The following MAP3K1 variants were observed in gnomAD, a reference collection of about 807,000 sequenced individuals.
MAP3K1 encodes mitogen-activated protein kinase kinase kinase 1, also known as MAP/ERK kinase kinase 1.
MAP3K1 carries 36 observed loss-of-function variants against 144.2 expected under a neutral mutation model. That is an observed-to-expected ratio of 0.25 (90% CI 0.19 to 0.33). The LOEUF (loss-of-function observed/expected upper bound fraction) is 0.33, where lower values mean the gene tolerates loss of function less well. MAP3K1 is among the 10% of genes least tolerant of loss of function. The probability of loss-of-function intolerance (pLI) is 1.00; values close to 1 mark genes in which losing one functional copy is unlikely to be tolerated. For missense variants in MAP3K1, 1,650 were observed against 1,881.9 expected (o/e 0.88, Z 2.28); for synonymous variants, 718 against 688.7 (o/e 1.04, Z -0.67).
intron 3 of MAP3K1, 137 bp downstream of exon 3, chr5:56,860,052 T>G: frequency 1.2e-6 from 1 of 800,970 alleles, no homozygotes; most frequent in Admixed American, 2.2e-5. Flanking sequence ...ATGGGGGGGG[T>G]GGTTCCTGAG....
Position 56,883,606 on chromosome 5 carries a change from T to G in MAP3K1, c.3746T>G (p.Ile1249Arg). ...ACTGAATGGCTGAAAGGTCAACAGA[T>G]AGGCCTTGGAGCATTTTCTTCTTGT... ...EDTEWLKGQQIGLGAFSSCYQ... is the reference protein window; with the variant it reads ...EDTEWLKGQQRGLGAFSSCYQ... The change falls in exon 15 of 20, where the codon ATA (isoleucine) becomes AGA (arginine). Residue 1249 changes from isoleucine (I) to arginine (R), a missense_variant. Physicochemically the swap from Ile to Arg is moderately conservative, Grantham distance 97. This residue lies in a region of MAP3K1 where 165 missense variants were observed against 322.9 expected (regional missense o/e 0.51). Transcript: ENST00000399503. 1 of 1,614,104 alleles carries G rather than the reference T, an allele frequency of 6.2e-7. No individual in the cohort carries two copies. Among genetic ancestry groups the G allele is most frequent in the Non-Finnish European group, 8.5e-7 (1 of 1,179,990 alleles).
Position 56,893,898 on chromosome 5 carries a change from G to T in MAP3K1, c.*218G>T. 1.7e-6 allele frequency: 1 copy of T among 578,272 alleles called. No homozygotes were observed. The highest frequency in any genetic ancestry group is 3.1e-6 in the Non-Finnish European group (1 of 323,194). 35.8% of individuals were successfully genotyped at this position (578,272 alleles called of 1,614,324 possible). ...AACTAGTGCAGAAACTGTAAACTGT[G>T]CCTTTCAAAGAACTGGCCCTAGGTG... On this transcript the variant is annotated 3_prime_UTR_variant, in exon 20 of 20. Transcript: ENST00000399503.
At chr5:56,880,905 A>C (rs1412634651) in intron 12 of MAP3K1, 103 bp downstream of exon 12, 11 of 1,100,746 alleles carry the variant, frequency 1.0e-5, no homozygotes, top group Non-Finnish European at 1.5e-5. Flanking sequence ...CAGGATTTTG[A>C]AGTAATTTTA....
rs527341686 is a variant in MAP3K1, at chr5:56,865,216, TGAA to T, written c.1036-120_1036-118del. 5.8e-4 allele frequency: 399 copies of T among 684,422 alleles called. 4 individuals carry two copies. In the South Asian group the frequency reaches 6.8e-3, roughly 12 times the overall value. The allele number at this position is 684,422 out of a possible 1,614,324, so 42.4% of individuals were successfully genotyped here. Reference sequence around the variant, plus strand: ...AGATTTTTCTTATATACAAAGATAATGAAGAATATGAATTAATAGAAACTTTAG... The same window carrying T: ...AGATTTTTCTTATATACAAAGATAATGAATATGAATTAATAGAAACTTTAG... On this transcript the variant is annotated intron_variant, in intron 4 of 19. Coordinates refer to ENST00000399503, the MANE Select transcript of MAP3K1 (RefSeq NM_005921.2).
chr5:56,855,013 C>G (rs1747294662), intron 1 of MAP3K1, among the ~76,000 whole-genome samples: 1 of 152,174 alleles, frequency 6.6e-6, no homozygotes, highest in Non-Finnish European at 1.5e-5. Flanking sequence ...GCCTACAAAG[C>G]TGAGCCTCCT....
intron 1 of MAP3K1, chr5:56,817,082 G>T: frequency 2.0e-6 from 2 of 985,400 alleles, no homozygotes; most frequent in Non-Finnish European, 2.4e-6. Flanking sequence ...GCTCAGATGC[G>T]TCTTCTGGTG....
intron 1 of MAP3K1, among the ~76,000 whole-genome samples, chr5:56,855,040 A>G (rs1277337243): frequency 6.6e-6 from 1 of 152,174 alleles, no homozygotes; most frequent in Non-Finnish European, 1.5e-5. Flanking sequence ...CCAACTGAGC[A>G]GGATGGACTT....
intron 2 of MAP3K1, among the ~76,000 whole-genome samples, chr5:56,857,954 T>A (rs1410606383): frequency 1.3e-5 from 2 of 152,216 alleles, no homozygotes; most frequent in East Asian, 3.8e-4. Flanking sequence ...GGCCCGTGAG[T>A]CCTTGTCTTT....
At chr5:56,820,591 G>T in intron 1 of MAP3K1, 1 of 985,038 alleles carries the variant, frequency 1.0e-6, no homozygotes, top group African/African-American at 1.7e-5. Context: ...ATGTTTCTTA[G>T]ATTTATTGAT....
intron 10 of MAP3K1, 32 bp from the exon 11 acceptor site, chr5:56,878,948 A>C: frequency 6.2e-7 from 1 of 1,610,842 alleles, no homozygotes; most frequent in Non-Finnish European, 8.5e-7. Context: ...TTTTAAGTGT[A>C]CATAAACTGA....
At chr5:56,816,549 G>A (rs1273615387) in intron 1 of MAP3K1, among the ~76,000 whole-genome samples, 1 of 152,078 alleles carries the variant, frequency 6.6e-6, no homozygotes, top group Non-Finnish European at 1.5e-5. Context: ...TGAGAGGACC[G>A]AAGAGAAAGT....
At chr5:56,852,109 A>C (rs1395087805) in intron 1 of MAP3K1, 2 of 151,622 alleles carry the variant, frequency 1.3e-5, no homozygotes, top group East Asian at 3.9e-4. Flanking sequence ...TCATCTGCAG[A>C]GACGGGAGTA....
intron 3 of MAP3K1, among the ~76,000 whole-genome samples, chr5:56,862,640 AAAAC>A (rs1173351347): frequency 1.3e-5 from 2 of 152,228 alleles, no homozygotes; most frequent in Non-Finnish European, 2.9e-5. Flanking sequence ...TTTGTTACTG[AAAAC>A]AGTGCTTCAA....
chr5:56,869,184 T>C (rs1747776172), intron 6 of MAP3K1, among the ~76,000 whole-genome samples: 1 of 151,946 alleles, frequency 6.6e-6, no homozygotes, highest in Non-Finnish European at 1.5e-5. Flanking sequence ...GGCAGGAGGA[T>C]CTCTTGAGCC....
At chr5:56,845,808 T>C (rs1007601317) in intron 1 of MAP3K1, among the ~76,000 whole-genome samples, 2 of 152,184 alleles carry the variant, frequency 1.3e-5, no homozygotes, top group African/African-American at 4.8e-5. Context: ...TAGCGCAGAA[T>C]GTCAAAAGAA....
At chr5:56,827,723 G>A (rs1028521675) in intron 1 of MAP3K1, among the ~76,000 whole-genome samples, 13 of 152,164 alleles carry the variant, frequency 8.5e-5, no homozygotes, top group African/African-American at 3.1e-4. Flanking sequence ...AATTAGCCGG[G>A]CTTGGTGGTG....
intron 9 of MAP3K1, among the ~76,000 whole-genome samples, chr5:56,873,817 T>G (rs1451253786): frequency 6.6e-6 from 1 of 152,198 alleles, no homozygotes; most frequent in African/African-American, 2.4e-5. Context: ...TGGAATTCTC[T>G]TAGCATATTA....
At chr5:56,858,599 T>G (rs1386584504) in intron 2 of MAP3K1, among the ~76,000 whole-genome samples, 2 of 152,228 alleles carry the variant, frequency 1.3e-5, no homozygotes, top group Non-Finnish European at 2.9e-5. Context: ...CAAATCATTC[T>G]TGAAACATAA....
At chr5:56,891,442 T>C (rs1748548831) in intron 19 of MAP3K1, among the ~76,000 whole-genome samples, 1 of 152,196 alleles carries the variant, frequency 6.6e-6, no homozygotes. Flanking sequence ...ATATTAGCCC[T>C]TTGTCAGATG....
Sources: allele counts gnomAD v4.1 joint callset (sites outside exome capture counted in the v4.1 genomes callset), GRCh38; gene constraint gnomAD v4.1.1; regional missense constraint gnomAD v4.1.1; transcripts MANE v1.5; gene names NCBI Gene and HGNC (gene_info 2026-07-23, HGNC 2026-07-21).